Variants in RTN1 observed in about 807,000 individuals in gnomAD.
RTN1 encodes the protein reticulon 1, also known as reticulon-1.
In RTN1, 25 loss-of-function variants were observed where a neutral mutation model predicts 65.5. That is an observed-to-expected ratio of 0.38 (90% CI 0.28 to 0.53). RTN1 has a LOEUF of 0.53. Among genes scored for constraint, RTN1 ranks in the 20% least tolerant of loss-of-function variants. The pLI is 0.79. For missense variants in RTN1, 983 were observed against 1,025.4 expected (o/e 0.96, Z 0.57); for synonymous variants, 471 against 447.6 (o/e 1.05, Z -0.66).
intron 3 of RTN1, among the ~76,000 whole-genome samples, chr14:59,723,148 C>T (rs1462361663): frequency 1.3e-5 from 2 of 151,926 alleles, no homozygotes; most frequent in Non-Finnish European, 2.9e-5. Flanking sequence ...TTTATTACAA[C>T]AAATATACAT....
At chr14:59,780,691 C>T (rs1193251733) in intron 1 of RTN1, among the ~76,000 whole-genome samples, 1 of 152,024 alleles carries the variant, frequency 6.6e-6, no homozygotes, top group East Asian at 1.9e-4. Context: ...TTTGTTTCTT[C>T]TCATTGCTTC....
At chr14:59,857,587 A>G (rs1887631016) in intron 1 of RTN1, among the ~76,000 whole-genome samples, 1 of 152,126 alleles carries the variant, frequency 6.6e-6, no homozygotes, top group Non-Finnish European at 1.5e-5. Context: ...GAAGCCTCTC[A>G]TCTTTCTTCC....
chr14:59,750,401 ATATAT>A lies in RTN1; in HGVS notation c.242-3925_242-3921del, dbSNP rs1401125610. 1.3e-3 allele frequency among the ~76,000 whole-genome samples: 55 copies of A among 43,938 alleles called. 1 individual carries two copies. Among genetic ancestry groups the A allele is most frequent in the Non-Finnish European group, 2.1e-3 (51 of 24,014 alleles). The allele number at this position is 43,938 out of a possible 152,430, so 28.8% of individuals were successfully genotyped here. ...ATATTATATATTATATCTATAATAT[ATATAT>A]TATATGTATAATATATAATATATCT... On this transcript the variant is annotated intron_variant, in intron 1 of 8. Coordinates refer to ENST00000267484, the MANE Select transcript of RTN1 (RefSeq NM_021136.3).
At chr14:59,617,283 G>A (rs1882129074) in intron 3 of RTN1, among the ~76,000 whole-genome samples, 1 of 152,180 alleles carries the variant, frequency 6.6e-6, no homozygotes, top group African/African-American at 2.4e-5. Flanking sequence ...AACAGGGCCA[G>A]GAACCCCAAG....
intron 1 of RTN1, among the ~76,000 whole-genome samples, chr14:59,831,075 T>G (rs1887116548): frequency 1.3e-5 from 2 of 152,138 alleles, no homozygotes; most frequent in African/African-American, 4.8e-5. Flanking sequence ...CTTTGCTAGC[T>G]TCTGGACATT....
intron 1 of RTN1, among the ~76,000 whole-genome samples, chr14:59,777,846 AAC>A (rs36006273): frequency 9.5e-4 from 142 of 149,998 alleles, no homozygotes; most frequent in Middle Eastern, 3.5e-3. Context: ...AAAACAACAA[AAC>A]ACACACACAC....
chr14:59,780,816 C>T (rs980110995), intron 1 of RTN1, among the ~76,000 whole-genome samples: 13 of 152,150 alleles, frequency 8.5e-5, no homozygotes, highest in Non-Finnish European at 1.3e-4. Context: ...GCAGCAATAT[C>T]ATTAGTTCCA....
chr14:59,630,361 C>T, intron 3 of RTN1: 1 of 1,568,638 alleles, frequency 6.4e-7, no homozygotes, highest in Non-Finnish European at 8.8e-7. Context: ...ACAGGTCCCA[C>T]AGGTGAAATG....
intron 1 of RTN1, among the ~76,000 whole-genome samples, chr14:59,762,575 C>T (rs1885771310): frequency 6.6e-6 from 1 of 152,172 alleles, no homozygotes. Context: ...TTGGAATTGT[C>T]GTGATGATTA....
chr14:59,801,245 C>T (rs1445292495), intron 1 of RTN1, among the ~76,000 whole-genome samples: 2 of 152,160 alleles, frequency 1.3e-5, no homozygotes, highest in South Asian at 2.1e-4. Context: ...GATTCAAGAA[C>T]CCTAGGAGAC....
At chr14:59,641,546 T>G (rs974090780) in intron 3 of RTN1, among the ~76,000 whole-genome samples, 10 of 152,226 alleles carry the variant, frequency 6.6e-5, no homozygotes, top group Non-Finnish European at 1.0e-4. Flanking sequence ...ATTTTTTGTA[T>G]TTTTAGTAGA....
intron 3 of RTN1, among the ~76,000 whole-genome samples, chr14:59,656,547 C>T (rs1015229319): frequency 4.6e-5 from 7 of 152,142 alleles, no homozygotes; most frequent in Admixed American, 2.0e-4. Context: ...GGAACAGAAT[C>T]GACAATCTAG....
intron 3 of RTN1, among the ~76,000 whole-genome samples, chr14:59,664,522 T>C (rs1051563981): frequency 2.6e-4 from 39 of 152,144 alleles, no homozygotes; most frequent in African/African-American, 9.4e-4. Flanking sequence ...CTGAGGCAAC[T>C]AACATTATTT....
At chr14:59,739,477 G>C (rs964869537) in intron 2 of RTN1, among the ~76,000 whole-genome samples, 13 of 151,490 alleles carry the variant, frequency 8.6e-5, no homozygotes, top group Admixed American at 2.0e-4. Context: ...GGAGGCTGAG[G>C]TTGCAGTGAG....
At chr14:59,805,045 C>T (rs954953212) in intron 1 of RTN1, among the ~76,000 whole-genome samples, 7 of 152,128 alleles carry the variant, frequency 4.6e-5, no homozygotes, top group Non-Finnish European at 4.4e-5. Flanking sequence ...ACACACCAAA[C>T]ACATTCCCGT....
chr14:59,741,090 G>A (rs1408678713), intron 2 of RTN1, among the ~76,000 whole-genome samples: 1 of 152,174 alleles, frequency 6.6e-6, no homozygotes, highest in African/African-American at 2.4e-5. Context: ...CTTTGTTCCT[G>A]GCTCATTCTC....
Position 59,813,941 on chromosome 14 carries a change from G to A in RTN1, c.241+56449C>T, listed in dbSNP as rs935331090. On this transcript the variant is annotated intron_variant, in intron 1 of 8. Transcript: ENST00000267484. ...TAGAGACCATCGCTGGAATTGATGA[G>A]GAGATAAAACAATTGGAACTGCATT... Among the ~76,000 whole-genome samples the A allele has an allele frequency of 4.6e-5, 7 of 152,218 alleles. No individual in the cohort carries two copies. In the South Asian group the frequency reaches 1.2e-3, roughly 27 times the overall value.
At position 59,816,782 on chromosome 14, in the gene RTN1, T is replaced by A. The variant is rs1886828420; in HGVS notation, c.241+53608A>T. ...AATCCCACCTCTACAAAAAATACAA[T>A]ATTAGCTGGGTGTGGTGGCATGTGC... On this transcript the variant is annotated intron_variant, in intron 1 of 8. Transcript: ENST00000267484. The surrounding 1 kb of genome is among the most constrained non-coding windows in gnomAD (Gnocchi z 4.3). Among the ~76,000 whole-genome samples, 1 of 151,936 alleles carries A rather than the reference T, an allele frequency of 6.6e-6. No homozygotes were observed. Among genetic ancestry groups the A allele is most frequent in the Non-Finnish European group, 1.5e-5 (1 of 67,980 alleles).
chr14:59,682,152 C>T (rs1354307992), intron 3 of RTN1, among the ~76,000 whole-genome samples: 1 of 152,122 alleles, frequency 6.6e-6, no homozygotes, highest in Non-Finnish European at 1.5e-5. Context: ...ATGGAATTAT[C>T]CTAATTCCCT....
Sources: gnomAD v4.1 joint callset for allele counts (sites outside exome capture counted in the v4.1 genomes callset) on GRCh38, gnomAD v4.1.1 for gene constraint, Gnocchi (gnomAD v3.1) non-coding constraint, MANE v1.5 for transcripts, NCBI Gene and HGNC (gene_info 2026-07-23, HGNC 2026-07-21) for gene names.